PLEKHA6: variants seen among roughly 807,000 people sequenced by gnomAD.
PLEKHA6 encodes pleckstrin homology domain-containing family A member 6.
In PLEKHA6, 60 loss-of-function variants were observed where a neutral mutation model predicts 116.7. The ratio of observed to expected loss-of-function variants is 0.51; its 90% confidence interval spans 0.42 to 0.64. The LOEUF (loss-of-function observed/expected upper bound fraction) is 0.64, where lower values mean the gene tolerates loss of function less well. Ranked by LOEUF, PLEKHA6 falls within the 30% of genes least tolerant of loss-of-function variation. The pLI, the probability that PLEKHA6 is intolerant of heterozygous loss-of-function variation, is 0.00. For synonymous variants in PLEKHA6, 489 were observed against 556.1 expected, an observed-to-expected ratio of 0.88 and a Z score of 1.70; for missense variants, 1,338 against 1,422.7, an observed-to-expected ratio of 0.94 and a Z score of 0.96.
Position 204,229,004 on chromosome 1 carries a change from T to A in PLEKHA6, c.2684A>T (p.Glu895Val). ...CATTTTGCGAAGCCGGGCAATTTCC[T>A]CCCGGGGTGTCTCGTAGGCATGCCC... ...PGGHAYETPR[E>V]EIARLRKMEL... is the part of the protein sequence containing the mutation. The change falls in exon 19 of 23, where the codon GAG becomes GTG. Residue 895 changes from glutamate (E) to valine (V), a missense_variant. Glu to Val is a moderately radical substitution (Grantham distance 121). Coordinates refer to ENST00000272203, the MANE Select transcript of PLEKHA6 (RefSeq NM_014935.5). The A allele has an allele frequency of 6.2e-7, 1 of 1,614,156 alleles. No individual in the cohort carries two copies. Among genetic ancestry groups the A allele is most frequent in the East Asian group, 2.2e-5 (1 of 44,882 alleles).
intron 15 of PLEKHA6, 113 bp downstream of exon 15, chr1:204,244,751 C>G (rs2102593214): frequency 1.3e-6 from 1 of 768,856 alleles, no homozygotes; most frequent in Non-Finnish European, 2.0e-6. Context: ...AGCTCCAGCA[C>G]TAGGGCTGGA....
At chr1:204,225,599 G>A (rs17405156) in intron 21 of PLEKHA6, among the ~76,000 whole-genome samples, 12,519 of 152,122 alleles carry the variant, frequency 0.082, 605 homozygotes, top group Middle Eastern at 0.14. Flanking sequence ...CCCATACTGC[G>A]GAAAAGCCAA....
At chr1:204,375,143 T>G (rs780726882) in intron 1 of PLEKHA6, among the ~76,000 whole-genome samples, 1 of 152,124 alleles carries the variant, frequency 6.6e-6, no homozygotes, top group African/African-American at 2.4e-5. Context: ...TTGACACTGG[T>G]GCTGCCTGGG....
intron 1 of PLEKHA6, chr1:204,308,010 A>C (rs1355453039): frequency 2.1e-6 from 1 of 476,060 alleles, no homozygotes; most frequent in Non-Finnish European, 2.7e-6. Flanking sequence ...GACATATATA[A>C]ATGGCTAAAT....
At chr1:204,327,274 C>T (rs1406534836) in intron 1 of PLEKHA6, among the ~76,000 whole-genome samples, 2 of 152,220 alleles carry the variant, frequency 1.3e-5, no homozygotes, top group Admixed American at 6.5e-5. Context: ...TTTGTCCTTC[C>T]TACCTCTCCC....
At chr1:204,293,592 T>C (rs1381647394) in intron 1 of PLEKHA6, among the ~76,000 whole-genome samples, 1 of 152,282 alleles carries the variant, frequency 6.6e-6, no homozygotes, top group Non-Finnish European at 1.5e-5. Flanking sequence ...GGCACTGTTT[T>C]AGATCCTGTC....
intron 1 of PLEKHA6, among the ~76,000 whole-genome samples, chr1:204,279,139 G>A (rs1271588552): frequency 6.6e-6 from 1 of 152,148 alleles, no homozygotes; most frequent in Non-Finnish European, 1.5e-5. Context: ...GGCGCTTTGG[G>A]AAAATGAGCT....
chr1:204,225,936 A>G (rs964295474), intron 21 of PLEKHA6, among the ~76,000 whole-genome samples: 11 of 152,248 alleles, frequency 7.2e-5, no homozygotes, highest in African/African-American at 2.2e-4. Flanking sequence ...CACATATTAC[A>G]TACCTGAGTC....
At chr1:204,243,151 G>A (rs1663088739) in intron 15 of PLEKHA6, 5 of 399,422 alleles carry the variant, frequency 1.3e-5, no homozygotes, top group East Asian at 7.1e-5. Context: ...GTGCCAGGAA[G>A]GGGAGCTGGG....
chr1:204,293,726 T>C (rs189943218), intron 1 of PLEKHA6, among the ~76,000 whole-genome samples: 3 of 152,314 alleles, frequency 2.0e-5, no homozygotes, highest in Admixed American at 6.5e-5. Flanking sequence ...TTTGGCAAAA[T>C]GTAAGACATT....
At chr1:204,260,382 G>C (rs1205498302) in intron 7 of PLEKHA6, among the ~76,000 whole-genome samples, 2 of 152,134 alleles carry the variant, frequency 1.3e-5, no homozygotes, top group African/African-American at 4.8e-5. Flanking sequence ...ATTTCTTCCA[G>C]GACTGACTTT....
intron 1 of PLEKHA6, among the ~76,000 whole-genome samples, chr1:204,327,632 G>A (rs966443430): frequency 6.6e-6 from 1 of 152,248 alleles, no homozygotes; most frequent in African/African-American, 2.4e-5. Context: ...ATCTGCATGG[G>A]CAGATGGGCG....
intron 1 of PLEKHA6, among the ~76,000 whole-genome samples, chr1:204,349,821 G>T (rs558576971): frequency 6.6e-6 from 1 of 152,238 alleles, no homozygotes; most frequent in East Asian, 1.9e-4. Flanking sequence ...GCCTTAGTGC[G>T]CATGCTGTCT....
At chr1:204,354,747 G>T (rs956208646) in intron 1 of PLEKHA6, among the ~76,000 whole-genome samples, 1 of 152,224 alleles carries the variant, frequency 6.6e-6, no homozygotes, top group Non-Finnish European at 1.5e-5. Flanking sequence ...CTAACATACG[G>T]ATCATAATTA....
intron 3 of PLEKHA6, among the ~76,000 whole-genome samples, chr1:204,268,723 C>T (rs750998419): frequency 6.6e-6 from 1 of 151,712 alleles, no homozygotes; most frequent in East Asian, 1.9e-4. Flanking sequence ...GAGTCCTGTT[C>T]GTCATCTCAT....
intron 15 of PLEKHA6, 148 bp downstream of exon 15, chr1:204,244,716 G>T: frequency 1.9e-6 from 1 of 530,214 alleles, no homozygotes; most frequent in Non-Finnish European, 3.2e-6. Context: ...AAAATGGGGT[G>T]TGAGAATGAC....
chr1:204,358,521 G>A (rs1289425770), intron 1 of PLEKHA6, among the ~76,000 whole-genome samples: 2 of 152,172 alleles, frequency 1.3e-5, no homozygotes, highest in Middle Eastern at 3.2e-3. Context: ...CAGTGCCCCC[G>A]CACCTGCCCA....
chr1:204,365,049 C>T (rs61023294), intron 3 of PLEKHA6, among the ~76,000 whole-genome samples: 56 of 152,172 alleles, frequency 3.7e-4, no homozygotes, highest in African/African-American at 1.3e-3. Flanking sequence ...GAGATTGGCA[C>T]CTACAAAGCC....
chr1:204,230,806 A>G (rs377017379), intron 17 of PLEKHA6, among the ~76,000 whole-genome samples: 2 of 152,320 alleles, frequency 1.3e-5, no homozygotes, highest in South Asian at 4.1e-4. Flanking sequence ...CCTAAATCCA[A>G]TGGTGTGTCC....
Sources: allele counts gnomAD v4.1 joint callset (sites outside exome capture counted in the v4.1 genomes callset), GRCh38; gene constraint gnomAD v4.1.1; transcripts MANE v1.5; gene names NCBI Gene and HGNC (gene_info 2026-07-23, HGNC 2026-07-21).